The following AXIN2 variants were observed in gnomAD, a reference collection of about 807,000 sequenced individuals.
AXIN2 encodes axin 2, also known as axin-2.
In AXIN2, 21 loss-of-function variants were observed where a neutral mutation model predicts 74.7. That is an observed-to-expected ratio of 0.28 (90% CI 0.20 to 0.40). The LOEUF (loss-of-function observed/expected upper bound fraction) is 0.40. AXIN2 is among the 10% of genes least tolerant of loss of function. AXIN2 has a pLI of 1.00. For synonymous variants in AXIN2, 532 were observed against 454.9 expected, an observed-to-expected ratio of 1.17 and a Z score of -2.16; for missense variants, 1,144 against 1,111.1, an observed-to-expected ratio of 1.03 and a Z score of -0.42.
chr17:65,537,821 C>T lies in AXIN2; in HGVS notation c.1215G>A (p.Glu405=), dbSNP rs1053887162. The stretch of plus-strand genomic sequence containing the variant: ...GCGAATTGAGTGTGAGCTCGGAGCC[C>T]TCTCTCTCTTCATCCTGAAAGGGAA... ...LQQIREDEER[E]GSELTLNSRE... The change falls in exon 6 of 11, where the codon GAG becomes GAA. Residue 405 remains glutamate, a synonymous_variant. Transcript: ENST00000307078. 1.3e-6 allele frequency: 2 copies of T among 1,562,678 alleles called. No individual in the cohort carries two copies. The highest frequency in any genetic ancestry group is 2.7e-5 in the African/African-American group (2 of 73,562).
intron 2 of AXIN2, among the ~76,000 whole-genome samples, chr17:65,550,428 GCTC>G (rs1277463496): frequency 2.0e-5 from 3 of 152,160 alleles, no homozygotes; most frequent in Admixed American, 6.5e-5. Flanking sequence ...ATGGCCTCTG[GCTC>G]CTAATTTCAC....
At chr17:65,557,305 CTCTTA>C (rs750211616) in intron 2 of AXIN2, among the ~76,000 whole-genome samples, 8 of 152,176 alleles carry the variant, frequency 5.3e-5, no homozygotes, top group East Asian at 3.8e-4. Flanking sequence ...CAATTGCTGG[CTCTTA>C]TCTTAACAGA....
At chr17:65,531,869 G>A (rs904190374) in intron 10 of AXIN2, among the ~76,000 whole-genome samples, 4 of 152,252 alleles carry the variant, frequency 2.6e-5, no homozygotes, top group Admixed American at 1.3e-4. Context: ...ATTACTCAAC[G>A]CATCCCAGGT....
chr17:65,556,392 C>G (rs922919865), intron 2 of AXIN2, among the ~76,000 whole-genome samples: 3 of 152,132 alleles, frequency 2.0e-5, no homozygotes, highest in Admixed American at 2.0e-4. Context: ...AGCAGGTGCC[C>G]GGCGACTGAC....
rs1205776646 is a variant in AXIN2, at chr17:65,537,817, A to G, written c.1219T>C (p.Ser407Pro). The change falls in exon 6 of 11, where the codon TCC becomes CCC. Residue 407 changes from serine (S) to proline (P), a missense_variant. Physicochemically the swap from Ser to Pro is moderately conservative, Grantham distance 74. Around this residue, in one of 4 missense-constraint regions of AXIN2, gnomAD observed 1,053 missense variants for 973.5 expected, o/e 1.08. Transcript: ENST00000307078. ...TCCCGCGAATTGAGTGTGAGCTCGG[A>G]GCCCTCTCTCTCTTCATCCTGAAAG... ...QIREDEEREG[S>P]ELTLNSREGA... The G allele has an allele frequency of 2.5e-6, 4 of 1,572,162 alleles. No individual in the cohort carries two copies. Among genetic ancestry groups the G allele is most frequent in the Non-Finnish European group, 3.5e-6 (4 of 1,159,086 alleles).
chr17:65,536,606 G>A (rs2043924757), intron 7 of AXIN2, 53 bp from the exon 8 acceptor site: 1 of 1,592,174 alleles, frequency 6.3e-7, no homozygotes. Context: ...TGGGTTAGAA[G>A]AACTGGAAAA....
intron 9 of AXIN2, 85 bp from the exon 10 acceptor site, chr17:65,534,164 T>C: frequency 6.6e-7 from 1 of 1,510,096 alleles, no homozygotes; most frequent in Non-Finnish European, 9.2e-7. Context: ...CACATGTGCA[T>C]AAGTGACAGG....
Position 65,529,715 on chromosome 17 carries a change from C to A in AXIN2, c.*261G>T, listed in dbSNP as rs1469344743. ...TGTATGGCAGTCTCTCAAATACAGGCAGCATCTTCAATAGCCAAGAGTGGT... is the reference window on the plus strand; with the variant it reads ...TGTATGGCAGTCTCTCAAATACAGGAAGCATCTTCAATAGCCAAGAGTGGT... On this transcript the variant is annotated 3_prime_UTR_variant, in exon 11 of 11. Coordinates refer to ENST00000307078, the MANE Select transcript of AXIN2 (RefSeq NM_004655.4). 3.9e-6 allele frequency: 2 copies of A among 519,300 alleles called. No homozygotes were observed. The highest frequency in any genetic ancestry group is 3.5e-6 in the Non-Finnish European group (1 of 287,686). 32.2% of individuals were successfully genotyped at this position (519,300 alleles called of 1,614,324 possible). A position where few individuals can be genotyped will look rare whatever the true frequency, so the allele number is the denominator to read the frequency against.
intron 7 of AXIN2, 108 bp from the exon 8 acceptor site, chr17:65,536,661 T>G (rs904303703): frequency 1.3e-5 from 16 of 1,219,450 alleles, no homozygotes; most frequent in Non-Finnish European, 1.7e-5. Flanking sequence ...GAGAGAGAGT[T>G]AAAAAAAAAA....
intron 2 of AXIN2, among the ~76,000 whole-genome samples, chr17:65,551,890 TAGGCA>T (rs1192432435): frequency 6.6e-6 from 1 of 152,214 alleles, no homozygotes; most frequent in Non-Finnish European, 1.5e-5. Flanking sequence ...AAATATGCTG[TAGGCA>T]TAGAACTGAC....
At chr17:65,531,492 G>C (rs927146873) in intron 10 of AXIN2, among the ~76,000 whole-genome samples, 1 of 151,908 alleles carries the variant, frequency 6.6e-6, no homozygotes, top group South Asian at 2.1e-4. Flanking sequence ...TCAGGACAGT[G>C]GGGGGAAAAG....
intron 2 of AXIN2, among the ~76,000 whole-genome samples, chr17:65,553,112 T>C (rs1474484187): frequency 1.3e-5 from 2 of 152,198 alleles, no homozygotes; most frequent in East Asian, 3.8e-4. Flanking sequence ...TTTATCATGA[T>C]CTATAATGAC....
At chr17:65,536,757 A>G in intron 7 of AXIN2, 112 bp downstream of exon 7, 2 of 1,504,090 alleles carry the variant, frequency 1.3e-6, no homozygotes, top group South Asian at 1.1e-5. Context: ...AGATGGCAGG[A>G]GCAAATAGTC....
chr17:65,536,572 G>A lies in AXIN2; in HGVS notation c.1908-19C>T, dbSNP rs752207800. The A allele has an allele frequency of 1.9e-6, 3 of 1,612,492 alleles. No homozygotes were observed. The highest frequency in any genetic ancestry group is 2.5e-6 in the Non-Finnish European group (3 of 1,179,002). On this transcript the variant is annotated intron_variant, in intron 7 of 10. Coordinates refer to ENST00000307078, the MANE Select transcript of AXIN2 (RefSeq NM_004655.4). ...TTGGGCACTAAACAAGGAATGAGCAGAGAGAAAACAGAAGGAAAGAAACTG... is the reference window on the plus strand; with the variant it reads ...TTGGGCACTAAACAAGGAATGAGCAAAGAGAAAACAGAAGGAAAGAAACTG...
Position 65,528,906 on chromosome 17 carries a change from A to G in AXIN2, c.*1070T>C, listed in dbSNP as rs1471643319. ...TGCCGTACACTATATACAGATGTAT[A>G]GTACAAGTAACAATGGCAAACAGAA... On this transcript the variant is annotated 3_prime_UTR_variant, in exon 11 of 11. Coordinates refer to ENST00000307078, the MANE Select transcript of AXIN2 (RefSeq NM_004655.4). 1.6e-5 allele frequency: 5 copies of G among 319,196 alleles called. No individual in the cohort carries two copies. The highest frequency in any genetic ancestry group is 2.9e-5 in the Non-Finnish European group (5 of 172,194). The allele number at this position is 319,196 out of a possible 1,614,324, so 19.8% of individuals were successfully genotyped here. A position where few individuals can be genotyped will look rare whatever the true frequency, so the allele number is the denominator to read the frequency against.
At chr17:65,538,479 T>C in intron 4 of AXIN2, 136 bp from the exon 5 acceptor site, 1 of 1,194,060 alleles carries the variant, frequency 8.4e-7, no homozygotes, top group Non-Finnish European at 1.2e-6. Context: ...CAAGGCGGCC[T>C]GGGCTGCTCG....
chr17:65,559,810 C>T (rs1384038385), intron 1 of AXIN2: 1 of 152,288 alleles, frequency 6.6e-6, no homozygotes, highest in Non-Finnish European at 1.5e-5. Flanking sequence ...GGCGAGAAGC[C>T]AGGGACCCCG....
chr17:65,541,591 T>C lies in AXIN2; in HGVS notation c.957-34A>G, dbSNP rs2144501228. ...AAGGAAAAGACAGAATCCACAGGCTTACGAGGATGTTTTCAGCACATCACA... is the reference window on the plus strand; with the variant it reads ...AAGGAAAAGACAGAATCCACAGGCTCACGAGGATGTTTTCAGCACATCACA... On this transcript the variant is annotated intron_variant, in intron 3 of 10. Transcript: ENST00000307078. The C allele has an allele frequency of 1.3e-6, 2 of 1,573,704 alleles. No individual in the cohort carries two copies. The highest frequency in any genetic ancestry group is 1.7e-6 in the Non-Finnish European group (2 of 1,143,180).
Position 65,535,660 on chromosome 17 carries a change from T to C in AXIN2, c.2203A>G (p.Thr735Ala), listed in dbSNP as rs1163700628. The C allele has an allele frequency of 1.6e-5, 26 of 1,614,202 alleles. No individual in the cohort carries two copies. The highest frequency in any genetic ancestry group is 2.2e-5 in the Non-Finnish European group (26 of 1,180,032). The change falls in exon 9 of 11, where the codon ACA (threonine) becomes GCA (alanine). Residue 735 changes from threonine (T) to alanine (A), a missense_variant. Coordinates refer to ENST00000307078, the MANE Select transcript of AXIN2 (RefSeq NM_004655.4). Reference protein sequence around the residue: ...NHSATVQTGATPFSNPSLAPE... With the variant: ...NHSATVQTGAAPFSNPSLAPE... ...GCCAGGCTTGGATTGGAGAAGGGTG[T>C]GGCTCCCGTCTGAACAGTGGCCGAA...
Sources: gnomAD v4.1 joint callset for allele counts (sites outside exome capture counted in the v4.1 genomes callset) on GRCh38, gnomAD v4.1.1 for gene constraint, gnomAD v4.1.1 regional missense constraint, MANE v1.5 for transcripts, NCBI Gene and HGNC (gene_info 2026-07-23, HGNC 2026-07-21) for gene names.